Variants in SLC35F4 observed in about 807,000 individuals in gnomAD.
The protein encoded by SLC35F4 is chromosome 14 open reading frame 36.
A neutral mutation model predicts 44.2 loss-of-function variants in SLC35F4; 24 were observed. That is an observed-to-expected ratio of 0.54 (90% CI 0.39 to 0.76). The LOEUF is 0.76. Ranked by LOEUF, SLC35F4 falls within the 30% of genes least tolerant of loss-of-function variation. The pLI is 0.00. For missense variants in SLC35F4, 562 were observed against 586.1 expected (o/e 0.96, Z 0.42); for synonymous variants, 238 against 223.6 (o/e 1.06, Z -0.57).
At chr14:57,781,651 G>T (rs891077494) in intron 1 of SLC35F4, among the ~76,000 whole-genome samples, 12 of 152,144 alleles carry the variant, frequency 7.9e-5, no homozygotes, top group Non-Finnish European at 1.5e-4. Context: ...GCAAAGACAT[G>T]AAATCAACCT....
intron 1 of SLC35F4, among the ~76,000 whole-genome samples, chr14:57,914,777 A>G (rs1363079893): frequency 6.6e-6 from 1 of 152,128 alleles, no homozygotes; most frequent in East Asian, 1.9e-4. Context: ...TAGGCCCTCA[A>G]GGTCTCAAGT....
intron 4 of SLC35F4, among the ~76,000 whole-genome samples, chr14:57,580,003 A>G (rs1422781834): frequency 6.6e-6 from 1 of 152,222 alleles, no homozygotes; most frequent in South Asian, 2.1e-4. Context: ...AGACATAAAT[A>G]TGTGATGCTG....
chr14:57,644,820 G>C (rs754671238), intron 1 of SLC35F4, among the ~76,000 whole-genome samples: 39 of 152,188 alleles, frequency 2.6e-4, no homozygotes, highest in Non-Finnish European at 4.6e-4. Context: ...AAGGGATCCA[G>C]TTTCAGCTTA....
At chr14:57,566,694 T>A (rs778231359) in intron 6 of SLC35F4, 130 bp from the exon 7 acceptor site, 1 of 849,586 alleles carries the variant, frequency 1.2e-6, no homozygotes, top group Non-Finnish European at 1.8e-6. Context: ...GATCCTCTAA[T>A]TTTGGAGATG....
chr14:57,942,369 A>G (rs1421261832), intron 1 of SLC35F4, among the ~76,000 whole-genome samples: 1 of 152,228 alleles, frequency 6.6e-6, no homozygotes, highest in African/African-American at 2.4e-5. Context: ...GGCTGAATTC[A>G]TTTTGTAACC....
At chr14:57,647,277 A>C (rs1028028408) in intron 1 of SLC35F4, among the ~76,000 whole-genome samples, 1 of 151,950 alleles carries the variant, frequency 6.6e-6, no homozygotes, top group South Asian at 2.1e-4. Context: ...GTAGGTCACT[A>C]AGGACTTGCT....
At chr14:57,880,905 G>C (rs751007103) in intron 1 of SLC35F4, among the ~76,000 whole-genome samples, 1 of 152,162 alleles carries the variant, frequency 6.6e-6, no homozygotes, top group Admixed American at 6.6e-5. Flanking sequence ...TAAAGGATTC[G>C]TTCATAAAGG....
At chr14:57,825,371 T>A (rs1255534101) in intron 1 of SLC35F4, among the ~76,000 whole-genome samples, 1 of 152,132 alleles carries the variant, frequency 6.6e-6, no homozygotes, top group Non-Finnish European at 1.5e-5. Context: ...AGTGGAGGAC[T>A]TAAATGCTGG....
chr14:57,662,983 C>A (rs1045424402), intron 1 of SLC35F4, among the ~76,000 whole-genome samples: 1 of 152,162 alleles, frequency 6.6e-6, no homozygotes, highest in African/African-American at 2.4e-5. Flanking sequence ...AATGGGTGTT[C>A]CTCTACTGGG....
In SLC35F4 at chr14:57,875,485, G is replaced by A. The variant is rs115302969; in HGVS notation, n.282+106428C>T. Among the ~76,000 whole-genome samples the A allele has an allele frequency of 9.5e-3, 1,448 of 152,266 alleles. 16 individuals are homozygous for A. The highest frequency in any genetic ancestry group is 0.032 in the African/African-American group (1,339 of 41,542). Reference sequence around the variant, plus strand: ...TCACTTGCATGGTTCTACTAATCTGGCCAGGCTTGGTTGATCCTGGATGGG... The same window carrying A: ...TCACTTGCATGGTTCTACTAATCTGACCAGGCTTGGTTGATCCTGGATGGG... On this transcript the variant is annotated intron_variant and non_coding_transcript_variant, in intron 1 of 1. Coordinates refer to the SLC35F4 transcript ENST00000556568.
At chr14:57,808,083 C>A (rs1013631991) in intron 1 of SLC35F4, among the ~76,000 whole-genome samples, 1 of 151,900 alleles carries the variant, frequency 6.6e-6, no homozygotes, top group Non-Finnish European at 1.5e-5. Flanking sequence ...TCCCATGACA[C>A]ACCTGGGGAT....
intron 1 of SLC35F4, among the ~76,000 whole-genome samples, chr14:57,846,617 A>C (rs577806825): frequency 1.3e-5 from 2 of 152,256 alleles, no homozygotes; most frequent in African/African-American, 4.8e-5. Flanking sequence ...CTTAAAGTTC[A>C]TATCCACTAC....
rs762337810 is a variant in SLC35F4, at chr14:57,566,508, T to C, written c.1183A>G (p.Ile395Val). Residue 395 changes from isoleucine to valine, a missense_variant, in exon 7 of 8, where the codon ATT (isoleucine) becomes GTT (valine). By Grantham distance (29) the Ile-to-Val change is conservative (BLOSUM62 3). Transcript: ENST00000556826. ...VVLTYPILIS[I>V]GTVLSVPGNA... is the part of the protein sequence containing the mutation. ...CCAGGAACGCTGAGCACTGTCCCAATGGAGATTAGGATTGGGTATGTCAGC... is the reference window on the plus strand; with the variant it reads ...CCAGGAACGCTGAGCACTGTCCCAACGGAGATTAGGATTGGGTATGTCAGC... 1.4e-5 allele frequency: 22 copies of C among 1,600,718 alleles called. No individual in the cohort carries two copies. In the African/African-American group the frequency reaches 2.8e-4, roughly 20 times the overall value.
At chr14:57,687,805 A>AGGACATTCATTTAGG (rs1303444313) in intron 1 of SLC35F4, among the ~76,000 whole-genome samples, 2 of 152,206 alleles carry the variant, frequency 1.3e-5, no homozygotes, top group African/African-American at 4.8e-5. Context: ...CAAAAAGAAA[A>AGGACATTCATTTAGG]ACATTCATCA....
intron 1 of SLC35F4, among the ~76,000 whole-genome samples, chr14:57,617,256 G>A (rs112061975): frequency 0.066 from 9,767 of 148,398 alleles, 902 homozygotes; most frequent in African/African-American, 0.21. Context: ...TCAGCCTCCC[G>A]AGTAGCTGGG....
At chr14:57,710,690 AAGG>A (rs1455097350) in intron 1 of SLC35F4, among the ~76,000 whole-genome samples, 2 of 152,164 alleles carry the variant, frequency 1.3e-5, no homozygotes, top group Non-Finnish European at 2.9e-5. Flanking sequence ...CATGGAATCA[AAGG>A]AGATCATTTT....
intron 1 of SLC35F4, among the ~76,000 whole-genome samples, chr14:57,855,690 T>A (rs1405318294): frequency 6.6e-6 from 1 of 152,210 alleles, no homozygotes; most frequent in Non-Finnish European, 1.5e-5. Context: ...CATTATTGGG[T>A]ATATACCCAA....
intron 1 of SLC35F4, among the ~76,000 whole-genome samples, chr14:57,920,470 G>T (rs1320283685): frequency 6.6e-6 from 1 of 152,112 alleles, no homozygotes; most frequent in South Asian, 2.1e-4. Context: ...CTATTCAGGA[G>T]GCTAAGGCAG....
At chr14:57,973,205 G>A (rs1372908946), downstream of SLC35F4, among the ~76,000 whole-genome samples, 2 of 152,112 alleles carry the variant, frequency 1.3e-5, no homozygotes, top group African/African-American at 4.8e-5. Context: ...TTGTATGGTG[G>A]TGATACTTTC....
Sources: gnomAD v4.1 joint callset for allele counts (sites outside exome capture counted in the v4.1 genomes callset) on GRCh38, gnomAD v4.1.1 for gene constraint, MANE v1.5 for transcripts, NCBI Gene and HGNC (gene_info 2026-07-23, HGNC 2026-07-21) for gene names.